Variants in SHQ1 observed in about 807,000 individuals in gnomAD.
SHQ1 encodes protein SHQ1 homolog.
Under a neutral mutation model 53.8 loss-of-function variants are expected in SHQ1, and 49 were observed. That is an observed-to-expected ratio of 0.91 (90% CI 0.72 to 1.16). The LOEUF is 1.16. SHQ1 is among the 50% of genes most tolerant of loss of function. The probability of loss-of-function intolerance (pLI) is 0.00; values close to 1 mark genes in which losing one functional copy is unlikely to be tolerated. For missense variants in SHQ1, 738 were observed against 683.1 expected (o/e 1.08, Z -0.90); for synonymous variants, 243 against 251.0 (o/e 0.97, Z 0.30).
At chr3:72,735,639 C>T in the SHQ1 span, among the ~76,000 whole-genome samples, 1 of 143,528 alleles carries the variant, frequency 7.0e-6, no homozygotes, top group South Asian at 2.3e-4. Flanking sequence ...CTGGTAAAGC[C>T]CATATATTGC....
intron 9 of SHQ1, among the ~76,000 whole-genome samples, chr3:72,805,678 A>T (rs565760893): frequency 6.6e-6 from 1 of 151,700 alleles, no homozygotes; most frequent in African/African-American, 2.4e-5. Context: ...TGTATGTAAT[A>T]TTTAAGAGGT....
intron 9 of SHQ1, among the ~76,000 whole-genome samples, chr3:72,801,857 A>C (rs1706799014): frequency 6.6e-6 from 1 of 152,232 alleles, no homozygotes; most frequent in African/African-American, 2.4e-5. Context: ...GTGTTCCCCA[A>C]TTCTAAAAAG....
At chr3:72,731,186 C>A in the SHQ1 span, among the ~76,000 whole-genome samples, 1 of 135,664 alleles carries the variant, frequency 7.4e-6, no homozygotes, top group Admixed American at 8.0e-5. Context: ...GCCAGGCATC[C>A]AAAATGCTAC....
rs147552298 is a variant in SHQ1, at chr3:72,847,027, C to T, written c.143+1171G>A. ...ATTCTCTATTAGTGCACTTCTTTCT[C>T]CTCATAGCACTCACCACAATTAAGT... On this transcript the variant is annotated intron_variant, in intron 1 of 10. Coordinates refer to ENST00000325599, the MANE Select transcript of SHQ1 (RefSeq NM_018130.3). 7.2e-5 allele frequency among the ~76,000 whole-genome samples: 11 copies of T among 152,298 alleles called. No individual in the cohort carries two copies. The East Asian group carries it at 2.1e-3, about 29-fold the overall frequency.
the SHQ1 span, among the ~76,000 whole-genome samples, chr3:72,732,063 G>A: frequency 6.6e-6 from 1 of 151,732 alleles, no homozygotes; most frequent in Non-Finnish European, 1.5e-5. Context: ...CCCTCACTGA[G>A]CGCTTTCCTT....
chr3:72,751,497 T>C (rs1705369292), intron 10 of SHQ1, among the ~76,000 whole-genome samples: 20 of 111,412 alleles, frequency 1.8e-4, no homozygotes, highest in African/African-American at 9.0e-4. Context: ...TGTGTGTGTG[T>C]GTGTGTGTGT....
rs371460083 is a variant in SHQ1, at chr3:72,838,382, A to G, written c.486+2663T>C. ...CCCTACATTAGGGAATATTCATTCA[A>G]ATTGTTTAGAAAAGCAATGCTCTTG... On this transcript the variant is annotated intron_variant, in intron 4 of 10. Transcript: ENST00000325599. Among the ~76,000 whole-genome samples, 15 of 152,364 alleles carry G rather than the reference A, an allele frequency of 9.8e-5. 1 individual carries two copies. In the South Asian group the frequency reaches 1.9e-3, roughly 19 times the overall value.
At position 72,841,146 on chromosome 3, in the gene SHQ1, T is replaced by C. The variant is rs774719132; in HGVS notation, c.385A>G (p.Ile129Val). 2 of 1,613,954 alleles carry C rather than the reference T, an allele frequency of 1.2e-6. No homozygotes were observed. Among genetic ancestry groups the C allele is most frequent in the East Asian group, 4.5e-5 (2 of 44,864 alleles). The change falls in exon 4 of 11, where the codon ATT becomes GTT. Residue 129 changes from isoleucine (I) to valine (V), a missense_variant. Transcript: ENST00000325599. The stretch of plus-strand genomic sequence containing the variant: ...ACCTCTTCACAGGGTGTCTGCTCAA[T>C]TTCCCAATCAAACTCTTCATCGTCA... ...VVDDEEFDWE[I>V]EQTPCEEVSE...
intron 10 of SHQ1, among the ~76,000 whole-genome samples, chr3:72,789,605 C>A (rs7648954): frequency 0.27 from 41,016 of 151,974 alleles, 5,968 homozygotes; most frequent in African/African-American, 0.37. Flanking sequence ...ACATTTAAAA[C>A]AAAAATGAAA....
At chr3:72,814,491 G>C (rs1225576410) in intron 8 of SHQ1, 1 of 152,160 alleles carries the variant, frequency 6.6e-6, no homozygotes, top group Non-Finnish European at 1.5e-5. Flanking sequence ...GTTGGTCCTT[G>C]AATCATTTTT....
At chr3:72,822,392 G>T (rs1262145033) in intron 6 of SHQ1, among the ~76,000 whole-genome samples, 1 of 152,192 alleles carries the variant, frequency 6.6e-6, no homozygotes, top group Non-Finnish European at 1.5e-5. Flanking sequence ...GTGGTTAAAA[G>T]GACTGAGTGG....
chr3:72,843,631 T>C (rs1708243937), intron 2 of SHQ1, among the ~76,000 whole-genome samples: 1 of 152,236 alleles, frequency 6.6e-6, no homozygotes, highest in Non-Finnish European at 1.5e-5. Context: ...TTTGTTTCAA[T>C]ATGCAACTTA....
At chr3:72,735,448 T>G in the SHQ1 span, among the ~76,000 whole-genome samples, 1 of 138,708 alleles carries the variant, frequency 7.2e-6, no homozygotes, top group African/African-American at 2.7e-5. Flanking sequence ...TTATATGGGC[T>G]TGGAGGAGCT....
chr3:72,817,192 A>G (rs1575718826), intron 7 of SHQ1, 38 bp downstream of exon 7: 1 of 1,591,362 alleles, frequency 6.3e-7, no homozygotes. Context: ...TACTCAGCAC[A>G]GTCATCTATG....
intron 9 of SHQ1, among the ~76,000 whole-genome samples, chr3:72,805,153 TAAAAGA>T (rs1484912497): frequency 1.3e-5 from 2 of 151,924 alleles, no homozygotes; most frequent in Non-Finnish European, 2.9e-5. Flanking sequence ...CTTTTCTGAT[TAAAAGA>T]AAAACAAAAA....
At chr3:72,822,312 A>C (rs180844913) in intron 6 of SHQ1, among the ~76,000 whole-genome samples, 2 of 152,336 alleles carry the variant, frequency 1.3e-5, no homozygotes, top group Admixed American at 6.5e-5. Context: ...ATGGCTTTGC[A>C]GACTATGACT....
downstream of SHQ1, chr3:72,749,223 T>C (rs1055115896): frequency 4.9e-6 from 1 of 202,278 alleles, no homozygotes; most frequent in African/African-American, 2.3e-5. Flanking sequence ...GGCTTGGTCA[T>C]TCCACTCTCA....
intron 10 of SHQ1, among the ~76,000 whole-genome samples, chr3:72,788,164 C>T (rs1470688302): frequency 6.6e-6 from 1 of 151,568 alleles, no homozygotes; most frequent in Non-Finnish European, 1.5e-5. Context: ...AGCGTCTCTG[C>T]CTGGCCGCCC....
At chr3:72,787,561 A>C (rs746541984) in intron 10 of SHQ1, among the ~76,000 whole-genome samples, 22 of 152,226 alleles carry the variant, frequency 1.4e-4, no homozygotes, top group Non-Finnish European at 3.1e-4. Flanking sequence ...ATGAGGAATA[A>C]ATTAGTTACT....
Sources: gnomAD v4.1 joint callset for allele counts (sites outside exome capture counted in the v4.1 genomes callset) on GRCh38, gnomAD v4.1.1 for gene constraint, MANE v1.5 for transcripts, NCBI Gene and HGNC (gene_info 2026-07-23, HGNC 2026-07-21) for gene names.